GPBP1L1: variants seen among roughly 807,000 people sequenced by gnomAD.
GPBP1L1 encodes the protein GC-rich promoter binding protein 1 like 1, also known as vasculin-like protein 1.
Under a neutral mutation model 52.5 loss-of-function variants are expected in GPBP1L1, and 23 were observed. The observed-to-expected ratio is 0.44, with a 90% confidence interval of 0.32 to 0.62. GPBP1L1 has a LOEUF of 0.62. GPBP1L1 is among the 20% of genes least tolerant of loss of function. The pLI is 0.06. For missense variants in GPBP1L1, 596 were observed against 579.3 expected, an observed-to-expected ratio of 1.03 and a Z score of -0.30; for synonymous variants, 243 against 203.1, an observed-to-expected ratio of 1.20 and a Z score of -1.67.
chr1:45,647,694 C>G (rs1316019146), intron 6 of GPBP1L1, among the ~76,000 whole-genome samples: 1 of 152,176 alleles, frequency 6.6e-6, no homozygotes, highest in Non-Finnish European at 1.5e-5. Context: ...TCCCTCAGCA[C>G]CTCATCTGAG....
chr1:45,648,415 T>C (rs1353595780), intron 6 of GPBP1L1, among the ~76,000 whole-genome samples: 2 of 152,218 alleles, frequency 1.3e-5, no homozygotes, highest in Non-Finnish European at 2.9e-5. Context: ...CCAGAGCCCC[T>C]GTATTTACTT....
chr1:45,631,509 C>A (rs1644530674), intron 10 of GPBP1L1, among the ~76,000 whole-genome samples: 2 of 152,138 alleles, frequency 1.3e-5, no homozygotes, highest in African/African-American at 4.8e-5. Context: ...GTGATCCGCC[C>A]ACCTCAGCCA....
At chr1:45,685,946 A>C (rs1034951468) in intron 1 of GPBP1L1, among the ~76,000 whole-genome samples, 1 of 152,198 alleles carries the variant, frequency 6.6e-6, no homozygotes, top group Non-Finnish European at 1.5e-5. Context: ...TGGGGGTTAA[A>C]ACTTTTTTCC....
upstream of GPBP1L1, chr1:45,687,091 C>G (rs986163730): frequency 6.6e-6 from 1 of 152,272 alleles, no homozygotes; most frequent in Non-Finnish European, 1.5e-5. Flanking sequence ...CGTTGAGACT[C>G]CAGTCCCCAG....
At chr1:45,666,754 G>A (rs910700597) in intron 2 of GPBP1L1, among the ~76,000 whole-genome samples, 2 of 152,162 alleles carry the variant, frequency 1.3e-5, no homozygotes, top group African/African-American at 4.8e-5. Flanking sequence ...GTACATGAAC[G>A]TTCACAGCAG....
chr1:45,666,334 C>T (rs777117263), intron 2 of GPBP1L1, among the ~76,000 whole-genome samples: 1 of 152,048 alleles, frequency 6.6e-6, no homozygotes, highest in African/African-American at 2.4e-5. Flanking sequence ...TTAGTAGAGA[C>T]GGGGTTTCAC....
chr1:45,687,174 C>G (rs1298275089), upstream of GPBP1L1: 1 of 152,264 alleles, frequency 6.6e-6, no homozygotes, highest in Non-Finnish European at 1.5e-5. Context: ...TAGTAGTTCC[C>G]CTGGAGCGCA....
At chr1:45,641,473 C>T (rs1644672557) in intron 7 of GPBP1L1, among the ~76,000 whole-genome samples, 1 of 151,818 alleles carries the variant, frequency 6.6e-6, no homozygotes, top group Non-Finnish European at 1.5e-5. Flanking sequence ...CACACACACA[C>T]ACACACACAC....
At chr1:45,640,578 G>A (rs1329661497) in intron 7 of GPBP1L1, among the ~76,000 whole-genome samples, 175 bp from the exon 8 acceptor site, 1 of 152,148 alleles carries the variant, frequency 6.6e-6, no homozygotes, top group Non-Finnish European at 1.5e-5. Flanking sequence ...CTCAGGAACT[G>A]TACAAAAAAA....
intron 6 of GPBP1L1, among the ~76,000 whole-genome samples, chr1:45,648,264 A>C (rs1163490096): frequency 2.0e-5 from 3 of 152,118 alleles, no homozygotes; most frequent in African/African-American, 4.8e-5. Flanking sequence ...ATTTTCTTTA[A>C]AGATCTTTTT....
At chr1:45,663,569 T>C (rs888704260) in intron 2 of GPBP1L1, among the ~76,000 whole-genome samples, 6 of 152,056 alleles carry the variant, frequency 3.9e-5, no homozygotes, top group African/African-American at 9.7e-5. Flanking sequence ...GTGTAAAGAG[T>C]GTGACCTACA....
At chr1:45,640,428 C>A (rs894529130) in intron 7 of GPBP1L1, 25 bp from the exon 8 acceptor site, 1 of 1,584,754 alleles carries the variant, frequency 6.3e-7, no homozygotes, top group Admixed American at 1.7e-5. Flanking sequence ...AGTGGAGAGA[C>A]AACAGAATGT....
intron 2 of GPBP1L1, among the ~76,000 whole-genome samples, chr1:45,684,834 A>G (rs1214839465): frequency 6.6e-6 from 1 of 152,230 alleles, no homozygotes; most frequent in East Asian, 1.9e-4. Flanking sequence ...TAGGGGTATT[A>G]ACAAAAACCA....
chr1:45,685,917 C>T (rs974928984), intron 1 of GPBP1L1, among the ~76,000 whole-genome samples: 8 of 152,346 alleles, frequency 5.3e-5, no homozygotes, highest in African/African-American at 1.9e-4. Flanking sequence ...CACCTCGCTA[C>T]CACAGAGAAC....
rs1464625651 is a variant in GPBP1L1, at chr1:45,660,221, G to A, written c.-93C>T. On this transcript the variant is annotated 5_prime_UTR_variant, in exon 3 of 13. Transcript: ENST00000355105. ...CCTCTGTGGTCCTGTTTCTGAACTC[G>A]AGTCGGCCAGCTGGATCTCCCACAA... The A allele has an allele frequency of 1.9e-5, 19 of 985,060 alleles. No individual in the cohort carries two copies. Among genetic ancestry groups the A allele is most frequent in the Non-Finnish European group, 2.3e-5 (19 of 829,902 alleles). 61.0% of individuals were successfully genotyped at this position (985,060 alleles called of 1,614,324 possible).
chr1:45,671,188 T>C (rs1475460351), intron 2 of GPBP1L1, among the ~76,000 whole-genome samples: 2 of 150,566 alleles, frequency 1.3e-5, no homozygotes, highest in Admixed American at 1.3e-4. Flanking sequence ...TAAAATGCCT[T>C]AGCTATTCTT....
intron 2 of GPBP1L1, among the ~76,000 whole-genome samples, chr1:45,671,974 A>G (rs1170882331): frequency 6.6e-6 from 1 of 152,216 alleles, no homozygotes; most frequent in African/African-American, 2.4e-5. Context: ...CTTCCAAATC[A>G]TGAGCACGGT....
intron 2 of GPBP1L1, among the ~76,000 whole-genome samples, chr1:45,672,328 T>C (rs3013594): frequency 0.56 from 84,115 of 150,172 alleles, 23,944 homozygotes; most frequent in African/African-American, 0.65. Context: ...TGCCACTGCA[T>C]TCCAGCCCAG....
chr1:45,681,004 T>C (rs758116878), intron 2 of GPBP1L1, among the ~76,000 whole-genome samples: 14 of 151,310 alleles, frequency 9.3e-5, no homozygotes, highest in South Asian at 2.1e-4. Context: ...TGAAAACCCA[T>C]GATACTTGGC....
Sources: allele counts gnomAD v4.1 joint callset (sites outside exome capture counted in the v4.1 genomes callset), GRCh38; gene constraint gnomAD v4.1.1; transcripts MANE v1.5; gene names NCBI Gene and HGNC (gene_info 2026-07-23, HGNC 2026-07-21).